Variants in SIK3 observed in about 807,000 individuals in gnomAD.
SIK3 encodes serine/threonine-protein kinase SIK3.
A neutral mutation model predicts 144.2 loss-of-function variants in SIK3; 28 were observed. That is an observed-to-expected ratio of 0.19 (90% CI 0.14 to 0.27). The LOEUF is 0.27. Ranked by LOEUF, SIK3 falls within the 10% of genes least tolerant of loss-of-function variation. The probability of loss-of-function intolerance (pLI) is 1.00; values close to 1 mark genes in which losing one functional copy is unlikely to be tolerated. For synonymous variants in SIK3, 686 were observed against 676.3 expected, an observed-to-expected ratio of 1.01 and a Z score of -0.22; for missense variants, 1,319 against 1,776.0, an observed-to-expected ratio of 0.74 and a Z score of 4.62.
Position 117,020,246 on chromosome 11 carries a change from T to TATATATATATAC in SIK3, c.274-63183_274-63182insGTATATATATAT. Reference sequence around the variant, plus strand: ...GTATGTGTATATGTGCATATATATATACACATACATATATCTCCATGGTTC... The same window carrying TATATATATATAC: ...GTATGTGTATATGTGCATATATATATATATATATATACACACATACATATATCTCCATGGTTC... On this transcript the variant is annotated intron_variant, in intron 1 of 24. Coordinates refer to ENST00000445177, the MANE Select transcript of SIK3 (RefSeq NM_001366686.3). Among the ~76,000 whole-genome samples the TATATATATATAC allele has an allele frequency of 2.2e-4, 28 of 127,294 alleles. 1 individual carries two copies. Among genetic ancestry groups the TATATATATATAC allele is most frequent in the South Asian group, 7.7e-4 (3 of 3,898 alleles). The allele number at this position is 127,294 out of a possible 152,430, so 83.5% of individuals were successfully genotyped here.
intron 6 of SIK3, among the ~76,000 whole-genome samples, chr11:116,888,853 T>C (rs1944957589): frequency 6.6e-6 from 1 of 152,224 alleles, no homozygotes; most frequent in Admixed American, 6.5e-5. Flanking sequence ...TCTAAGCAGT[T>C]AGACTGTTAG....
chr11:116,875,710 TTTGA>T (rs145925222), intron 9 of SIK3, among the ~76,000 whole-genome samples, 152 bp downstream of exon 9: 3,071 of 152,266 alleles, frequency 0.02, 101 homozygotes, highest in African/African-American at 0.069. Context: ...GGTTCAGATC[TTTGA>T]TTGGCCTCTG....
chr11:116,896,151 T>A, intron 6 of SIK3, 102 bp downstream of exon 6: 3 of 1,500,218 alleles, frequency 2.0e-6, no homozygotes, highest in Non-Finnish European at 2.7e-6. Flanking sequence ...TAAAAAAGGT[T>A]GTAAGTGGGC....
chr11:116,985,445 ATTAG>A lies in SIK3; in HGVS notation c.274-28385_274-28382del, dbSNP rs1173032601. On this transcript the variant is annotated intron_variant, in intron 1 of 24. Transcript: ENST00000445177. ...TATATAAATTCATTACAGCCTAGAA[ATTAG>A]TTAATCTTACTAGTTGAGTTTGCGC... Among the ~76,000 whole-genome samples the A allele has an allele frequency of 5.3e-5, 8 of 152,206 alleles. No individual in the cohort carries two copies. In the East Asian group the frequency reaches 1.5e-3, roughly 29 times the overall value.
intron 7 of SIK3, 25 bp downstream of exon 7, chr11:116,876,899 C>A: frequency 6.3e-7 from 1 of 1,587,132 alleles, no homozygotes; most frequent in Non-Finnish European, 8.7e-7. Flanking sequence ...AGAGGAGTCC[C>A]CTGCAGCAGC....
chr11:116,900,309 T>G (rs1591272426), intron 4 of SIK3, among the ~76,000 whole-genome samples: 1 of 152,326 alleles, frequency 6.6e-6, no homozygotes, highest in East Asian at 1.9e-4. Context: ...TTCAACTCCA[T>G]GTGTCTTGAC....
intron 1 of SIK3, among the ~76,000 whole-genome samples, chr11:116,971,019 C>T (rs952572283): frequency 6.6e-6 from 1 of 152,166 alleles, no homozygotes; most frequent in African/African-American, 2.4e-5. Flanking sequence ...GCATTTACCA[C>T]ATTTGAGATA....
chr11:117,006,322 A>G (rs1262084089), intron 1 of SIK3, among the ~76,000 whole-genome samples: 4 of 152,234 alleles, frequency 2.6e-5, no homozygotes, highest in Non-Finnish European at 4.4e-5. Flanking sequence ...CAGAGATTCC[A>G]TATCTACCCA....
At chr11:116,857,709 T>C (rs1314348816) in intron 21 of SIK3, 101 bp downstream of exon 21, 6 of 1,468,746 alleles carry the variant, frequency 4.1e-6, no homozygotes, top group Admixed American at 2.8e-5. Flanking sequence ...AAATTCTTTT[T>C]TTCTTAGGAA....
At chr11:116,944,161 T>C (rs1948455515) in intron 3 of SIK3, among the ~76,000 whole-genome samples, 4 of 151,964 alleles carry the variant, frequency 2.6e-5, no homozygotes, top group Admixed American at 2.6e-4. Context: ...AATAGAAAAA[T>C]ATTTTAGACT....
chr11:116,861,954 A>T (rs562847043), intron 17 of SIK3, 28 bp from the exon 18 acceptor site: 1 of 1,511,350 alleles, frequency 6.6e-7, no homozygotes, highest in Non-Finnish European at 9.1e-7. Context: ...AAAGGAAAAA[A>T]ATTATTGTGA....
rs536860974 is a variant in SIK3 at position 117,012,546 on chromosome 11, G to T, written c.274-55482C>A. On this transcript the variant is annotated intron_variant, in intron 1 of 24. Coordinates refer to ENST00000445177, the MANE Select transcript of SIK3 (RefSeq NM_001366686.3). Reference sequence around the variant, plus strand: ...TGATTCATCTTCTGTCCCTAAAAATGACCTGTACTTTGCTATTTCCGTATC... The same window carrying T: ...TGATTCATCTTCTGTCCCTAAAAATTACCTGTACTTTGCTATTTCCGTATC... 5.9e-5 allele frequency among the ~76,000 whole-genome samples: 9 copies of T among 152,210 alleles called. No individual in the cohort carries two copies. In the South Asian group the frequency reaches 1.9e-3, roughly 32 times the overall value.
At chr11:117,031,007 G>GT (rs1952234105) in intron 1 of SIK3, among the ~76,000 whole-genome samples, 1 of 152,124 alleles carries the variant, frequency 6.6e-6, no homozygotes. Context: ...ATTACTTGGG[G>GT]TTTTTTAATA....
rs140714349 is a variant in SIK3, at chr11:117,036,289, G to A, written c.273+61854C>T. On this transcript the variant is annotated intron_variant, in intron 1 of 24. Transcript: ENST00000445177. ...GTAACGTAAAGAATATGTAACCTGT[G>A]TTTTCCTGAAAGTTGAGGGAAAGCT... 1.7e-3 allele frequency among the ~76,000 whole-genome samples: 252 copies of A among 152,160 alleles called. 2 individuals carry two copies. Among genetic ancestry groups the A allele is most frequent in the African/African-American group, 5.6e-3 (234 of 41,504 alleles).
rs1491543926 is a variant in SIK3, at chr11:117,023,610, A to AAAC, written c.274-66547_274-66546insGTT. ...CAAACAAACAAACAAACAAACAAACAAAAAAAAAAAAATATATATATATAT... is the reference window on the plus strand; with the variant it reads ...CAAACAAACAAACAAACAAACAAACAAACAAAAAAAAAAAATATATATATATAT... On this transcript the variant is annotated intron_variant, in intron 1 of 24. Transcript: ENST00000445177. 8.1e-4 allele frequency among the ~76,000 whole-genome samples: 21 copies of AAAC among 25,812 alleles called. No homozygotes were observed. In the South Asian group the frequency reaches 0.011, roughly 13 times the overall value. The allele number at this position is 25,812 out of a possible 152,430, so 16.9% of individuals were successfully genotyped here.
intron 1 of SIK3, among the ~76,000 whole-genome samples, chr11:116,993,685 G>A (rs903922226): frequency 3.9e-5 from 6 of 152,168 alleles, no homozygotes; most frequent in Admixed American, 1.3e-4. Context: ...CTGAACAGAC[G>A]TCAGCAGGGT....
At chr11:116,938,934 A>C (rs1295109646) in intron 3 of SIK3, among the ~76,000 whole-genome samples, 1 of 152,290 alleles carries the variant, frequency 6.6e-6, no homozygotes, top group East Asian at 1.9e-4. Context: ...ACAAAATAGA[A>C]AACCAACTTC....
At chr11:116,897,411 T>C in intron 4 of SIK3, 94 bp from the exon 5 acceptor site, 1 of 1,115,290 alleles carries the variant, frequency 9.0e-7, no homozygotes, top group Admixed American at 2.5e-5. Context: ...TCCAAATCAT[T>C]GTCTGAATAT....
At chr11:116,948,669 G>C (rs1239152384) in intron 3 of SIK3, among the ~76,000 whole-genome samples, 1 of 151,762 alleles carries the variant, frequency 6.6e-6, no homozygotes, top group Non-Finnish European at 1.5e-5. Flanking sequence ...TCTCTCTCTC[G>C]TCAATCTAGC....
Sources: allele counts gnomAD v4.1 joint callset (sites outside exome capture counted in the v4.1 genomes callset), GRCh38; gene constraint gnomAD v4.1.1; transcripts MANE v1.5; gene names NCBI Gene and HGNC (gene_info 2026-07-23, HGNC 2026-07-21).